The following SIRPG variants were observed in gnomAD, a reference collection of about 807,000 sequenced individuals.
The protein encoded by SIRPG is signal regulatory protein gamma.
SIRPG carries 38 observed loss-of-function variants against 35.7 expected under a neutral mutation model. The ratio of observed to expected loss-of-function variants is 1.06; its 90% confidence interval spans 0.82 to 1.40. The LOEUF is 1.40. SIRPG is among the 40% of genes most tolerant of loss of function. The probability of loss-of-function intolerance (pLI) is 0.00; values close to 1 mark genes in which losing one functional copy is unlikely to be tolerated. For synonymous variants in SIRPG, 215 were observed against 190.4 expected, an observed-to-expected ratio of 1.13 and a Z score of -1.06; for missense variants, 519 against 483.0, an observed-to-expected ratio of 1.07 and a Z score of -0.70.
Position 1,636,506 on chromosome 20 carries a change from C to T in SIRPG, c.431-1G>A. ...AATACCACGGGGGCAGAGGGTTTGG[C>T]TACAAAAGGGGCATCGATAAACAGG... On this transcript the variant is annotated splice_acceptor_variant, in intron 2 of 5. Transcript: ENST00000303415. LOFTEE classifies it high-confidence loss of function. The T allele has an allele frequency of 6.2e-7, 1 of 1,613,980 alleles. No homozygotes were observed. Among genetic ancestry groups the T allele is most frequent in the Non-Finnish European group, 8.5e-7 (1 of 1,179,854 alleles).
At chr20:1,681,004 A>AACAT in the SIRPG span, among the ~76,000 whole-genome samples, 3 of 152,236 alleles carry the variant, frequency 2.0e-5, no homozygotes, top group African/African-American at 7.2e-5. Flanking sequence ...CAGGTCCTGG[A>AACAT]ACATAGTAGA....
intron 2 of SIRPG, among the ~76,000 whole-genome samples, chr20:1,640,256 A>AT (rs1198306426): frequency 5.9e-5 from 9 of 151,948 alleles, no homozygotes; most frequent in Non-Finnish European, 1.2e-4. Flanking sequence ...ATGTTTTTCC[A>AT]TTTTTTTGTG....
chr20:1,633,056 C>A (rs1039394072), intron 4 of SIRPG, among the ~76,000 whole-genome samples: 1 of 152,046 alleles, frequency 6.6e-6, no homozygotes, highest in Admixed American at 6.5e-5. Flanking sequence ...GAGGTTGAAA[C>A]AGGGGATATC....
upstream of SIRPG, among the ~76,000 whole-genome samples, chr20:1,660,454 T>C (rs2091993057): frequency 6.6e-6 from 1 of 152,154 alleles, no homozygotes; most frequent in Admixed American, 6.5e-5. Flanking sequence ...GAGGTGTGAG[T>C]CATAAAGTAT....
At chr20:1,633,032 C>CAT (rs2091764013) in intron 4 of SIRPG, among the ~76,000 whole-genome samples, 1 of 152,010 alleles carries the variant, frequency 6.6e-6, no homozygotes, top group Non-Finnish European at 1.5e-5. Context: ...ACAGAAATGG[C>CAT]ATATTTTAGA....
chr20:1,670,419 G>A, the SIRPG span, among the ~76,000 whole-genome samples: 655 of 152,252 alleles, frequency 4.3e-3, 4 homozygotes, highest in African/African-American at 0.015. Context: ...TAAGCACAAC[G>A]CCCAGCACAC....
chr20:1,636,468 C>G lies in SIRPG; in HGVS notation c.468G>C (p.Ala156=). 6.2e-7 allele frequency: 1 copy of G among 1,614,206 alleles called. No homozygotes were observed. Among genetic ancestry groups the G allele is most frequent in the South Asian group, 1.1e-5 (1 of 91,086 alleles). ...PSAPVVLGPA[A]RTTPEHTVSF... is the part of the protein sequence containing the mutation. ...TCACTGTATGCTCAGGTGTGGTCCTCGCCGCAGGGCCCAATACCACGGGGG... is the reference window on the plus strand; with the variant it reads ...TCACTGTATGCTCAGGTGTGGTCCTGGCCGCAGGGCCCAATACCACGGGGG... Residue 156 remains alanine, a synonymous_variant, in exon 3 of 6, where the codon GCG becomes GCC. Transcript: ENST00000303415.
At chr20:1,644,161 C>T (rs2091878640) in intron 2 of SIRPG, among the ~76,000 whole-genome samples, 1 of 152,196 alleles carries the variant, frequency 6.6e-6, no homozygotes, top group African/African-American at 2.4e-5. Flanking sequence ...TTTCTCAGAA[C>T]TAGCAGCAGG....
Position 1,649,231 on chromosome 20 carries a change from T to C in SIRPG, c.251A>G (p.His84Arg). 1 of 1,614,150 alleles carries C rather than the reference T, an allele frequency of 6.2e-7. No homozygotes were observed. Reference sequence around the variant, plus strand: ...TGAAACTGTTGTTACCCTGGGGAAGTGGCCTTCTTTTTGATTGTAGATTAA... The same window carrying C: ...TGAAACTGTTGTTACCCTGGGGAAGCGGCCTTCTTTTTGATTGTAGATTAA... ...RELIYNQKEG[H>R]FPRVTTVSDL... is the part of the protein sequence containing the mutation. Residue 84 changes from histidine to arginine, a missense_variant, in exon 2 of 6, where the codon CAC (histidine) becomes CGC (arginine). Coordinates refer to ENST00000303415, the MANE Select transcript of SIRPG (RefSeq NM_018556.4).
chr20:1,653,317 C>T (rs1214745902), intron 1 of SIRPG, among the ~76,000 whole-genome samples: 1 of 152,112 alleles, frequency 6.6e-6, no homozygotes, highest in Admixed American at 6.5e-5. Flanking sequence ...GGAAAGGTGA[C>T]AAGAATATCT....
intron 1 of SIRPG, among the ~76,000 whole-genome samples, chr20:1,649,655 G>C (rs1478117904): frequency 6.9e-5 from 3 of 43,518 alleles, no homozygotes; most frequent in Non-Finnish European, 1.3e-4. Flanking sequence ...TTTTTTTTTT[G>C]AGAGAGGGTC....
chr20:1,671,595 G>T, the SIRPG span, among the ~76,000 whole-genome samples: 2 of 152,188 alleles, frequency 1.3e-5, no homozygotes, highest in African/African-American at 4.8e-5. Flanking sequence ...AAGTATAGAG[G>T]TGTGGAGTGG....
rs1204992214 is a variant in SIRPG, at chr20:1,650,002, GTGTATATATATA to G, written c.74-606_74-595del. 2.9e-4 allele frequency among the ~76,000 whole-genome samples: 24 copies of G among 81,378 alleles called. 1 individual carries two copies. Among genetic ancestry groups the G allele is most frequent in the East Asian group, 6.2e-4 (2 of 3,212 alleles). The allele number at this position is 81,378 out of a possible 152,430, so 53.4% of individuals were successfully genotyped here. A position where few individuals can be genotyped will look rare whatever the true frequency, so the allele number is the denominator to read the frequency against. On this transcript the variant is annotated intron_variant, in intron 1 of 5. Coordinates refer to ENST00000303415, the MANE Select transcript of SIRPG (RefSeq NM_018556.4). ...GAACTCCTGAACTCTACTTTGAAGT[GTGTATATATATA>G]TATATATATATATGTCATATAAGTG...
At chr20:1,673,720 AAAC>A in the SIRPG span, among the ~76,000 whole-genome samples, 1 of 152,198 alleles carries the variant, frequency 6.6e-6, no homozygotes, top group Non-Finnish European at 1.5e-5. Context: ...TTCAAAACAC[AAAC>A]AAGATCACAG....
At chr20:1,633,449 A>G (rs2091766799) in intron 4 of SIRPG, 1 of 152,352 alleles carries the variant, frequency 6.6e-6, no homozygotes. Context: ...TTTAGTGATT[A>G]AAAATTTGAA....
intron 4 of SIRPG, 126 bp from the exon 5 acceptor site, chr20:1,630,432 C>A: frequency 1.5e-6 from 1 of 678,428 alleles, no homozygotes; most frequent in Non-Finnish European, 2.5e-6. Context: ...CTGCATCCTG[C>A]CCAGGCTATC....
chr20:1,665,630 G>A, the SIRPG span, among the ~76,000 whole-genome samples: 1 of 152,184 alleles, frequency 6.6e-6, no homozygotes, highest in African/African-American at 2.4e-5. Context: ...GGTTGAGAGA[G>A]CTTGTACTCA....
At chr20:1,635,651 G>T in intron 3 of SIRPG, 52 bp from the exon 4 acceptor site, 1 of 1,579,066 alleles carries the variant, frequency 6.3e-7, no homozygotes, top group Middle Eastern at 2.0e-4. Context: ...ACAGATCACA[G>T]GGAGGGCTCC....
the SIRPG span, among the ~76,000 whole-genome samples, chr20:1,667,539 A>G: frequency 6.6e-6 from 1 of 152,200 alleles, no homozygotes. Flanking sequence ...AATAGATGGT[A>G]CCTCCTGAGA....
Sources: allele counts gnomAD v4.1 joint callset (sites outside exome capture counted in the v4.1 genomes callset), GRCh38; gene constraint gnomAD v4.1.1; transcripts MANE v1.5; gene names NCBI Gene and HGNC (gene_info 2026-07-23, HGNC 2026-07-21).